CNTNAP5: variants seen among roughly 807,000 people sequenced by gnomAD.
CNTNAP5 encodes contactin-associated protein-like 5.
A neutral mutation model predicts 150.2 loss-of-function variants in CNTNAP5; 72 were observed. That is an observed-to-expected ratio of 0.48 (90% CI 0.40 to 0.58). The LOEUF (loss-of-function observed/expected upper bound fraction) is 0.58. Among genes scored for constraint, CNTNAP5 ranks in the 20% least tolerant of loss-of-function variants. The pLI is 0.00. For missense variants in CNTNAP5, 1,636 were observed against 1,626.2 expected (o/e 1.01, Z -0.10); for synonymous variants, 672 against 619.8 (o/e 1.08, Z -1.25).
At chr2:124,236,801 A>G (rs895505982) in intron 2 of CNTNAP5, among the ~76,000 whole-genome samples, 3 of 149,012 alleles carry the variant, frequency 2.0e-5, no homozygotes. Context: ...TTAGGCTTTA[A>G]AAAAAAAAAT....
chr2:124,124,401 T>G (rs544054125), intron 1 of CNTNAP5, among the ~76,000 whole-genome samples: 1 of 152,074 alleles, frequency 6.6e-6, no homozygotes, highest in Non-Finnish European at 1.5e-5. Flanking sequence ...CTCCAAGAAA[T>G]ATGGGACTAT....
At chr2:124,396,044 T>C (rs1287784763) in intron 3 of CNTNAP5, among the ~76,000 whole-genome samples, 1 of 152,160 alleles carries the variant, frequency 6.6e-6, no homozygotes, top group African/African-American at 2.4e-5. Flanking sequence ...GCCAATGACA[T>C]TGAGCAGTCT....
chr2:124,816,442 T>C (rs535539205), intron 19 of CNTNAP5, among the ~76,000 whole-genome samples: 182 of 151,992 alleles, frequency 1.2e-3, no homozygotes, highest in African/African-American at 4.3e-3. Context: ...CGAAAGTTCC[T>C]TGTGGCACTC....
chr2:124,422,725 G>T (rs1692138278), intron 4 of CNTNAP5, among the ~76,000 whole-genome samples: 1 of 152,154 alleles, frequency 6.6e-6, no homozygotes, highest in Non-Finnish European at 1.5e-5. Flanking sequence ...GCTGTTGACT[G>T]GGCCAAGAGC....
chr2:124,798,677 C>T (rs1368514367), intron 19 of CNTNAP5, among the ~76,000 whole-genome samples: 1 of 152,168 alleles, frequency 6.6e-6, no homozygotes, highest in Non-Finnish European at 1.5e-5. Context: ...GTCATCTTTG[C>T]TTCAGTCTTC....
At chr2:124,617,019 G>T (rs1677507349) in intron 12 of CNTNAP5, among the ~76,000 whole-genome samples, 2 of 152,052 alleles carry the variant, frequency 1.3e-5, no homozygotes, top group African/African-American at 4.8e-5. Flanking sequence ...TGCAGTGGTG[G>T]ATTCGTGGCT....
chr2:124,318,815 A>G (rs956889180), intron 3 of CNTNAP5, among the ~76,000 whole-genome samples: 3 of 150,874 alleles, frequency 2.0e-5, no homozygotes, highest in African/African-American at 4.9e-5. Flanking sequence ...TTCCATCTCT[A>G]TCTCCTAAAT....
chr2:124,151,928 A>T (rs1684414335), intron 1 of CNTNAP5, among the ~76,000 whole-genome samples: 1 of 152,222 alleles, frequency 6.6e-6, no homozygotes, highest in South Asian at 2.1e-4. Context: ...TTACTTAAGG[A>T]AATTACAACT....
intron 4 of CNTNAP5, among the ~76,000 whole-genome samples, chr2:124,418,917 G>A (rs959593737): frequency 6.6e-6 from 1 of 151,266 alleles, no homozygotes. Flanking sequence ...GGTGGATCAC[G>A]AGGTCAGGAG....
chr2:124,520,302 A>G (rs1694822404), intron 8 of CNTNAP5, among the ~76,000 whole-genome samples: 1 of 152,234 alleles, frequency 6.6e-6, no homozygotes, highest in East Asian at 1.9e-4. Flanking sequence ...GCTATTGTAA[A>G]TAATGGTGTC....
intron 21 of CNTNAP5, among the ~76,000 whole-genome samples, chr2:124,898,451 T>C (rs1678352833): frequency 6.6e-6 from 1 of 151,582 alleles, no homozygotes; most frequent in African/African-American, 2.4e-5. Flanking sequence ...CAATTGCGAA[T>C]GTGTAAAGTG....
At chr2:124,677,246 G>A (rs72845081) in intron 13 of CNTNAP5, among the ~76,000 whole-genome samples, 3,254 of 152,186 alleles carry the variant, frequency 0.021, 46 homozygotes, top group Middle Eastern at 0.037. Context: ...GCGCGTCTGG[G>A]GTAGCTTTTT....
intron 3 of CNTNAP5, among the ~76,000 whole-genome samples, chr2:124,363,305 TG>T (rs1356324646): frequency 1.3e-5 from 2 of 152,198 alleles, no homozygotes; most frequent in African/African-American, 4.8e-5. Flanking sequence ...TTCCCTGACT[TG>T]ATTTCATCTA....
At chr2:124,098,719 C>T (rs1389252780) in intron 1 of CNTNAP5, among the ~76,000 whole-genome samples, 1 of 151,476 alleles carries the variant, frequency 6.6e-6, no homozygotes, top group Non-Finnish European at 1.5e-5. Flanking sequence ...CTGTGTCTGG[C>T]GTTGAGAAAA....
chr2:124,100,537 T>C (rs1247378020), intron 1 of CNTNAP5, among the ~76,000 whole-genome samples: 4 of 152,154 alleles, frequency 2.6e-5, no homozygotes, highest in Non-Finnish European at 5.9e-5. Flanking sequence ...TTTCTAGGTC[T>C]GTATTCTCTA....
chr2:124,529,042 C>T (rs1695043286), intron 10 of CNTNAP5, among the ~76,000 whole-genome samples: 1 of 151,324 alleles, frequency 6.6e-6, no homozygotes, highest in African/African-American at 2.4e-5. Flanking sequence ...TGCAGATTTT[C>T]TGGCTCTTCT....
At chr2:124,396,175 AT>A (rs1158011318) in intron 3 of CNTNAP5, among the ~76,000 whole-genome samples, 1 of 152,218 alleles carries the variant, frequency 6.6e-6, no homozygotes, top group Non-Finnish European at 1.5e-5. Flanking sequence ...GTCTGGCTTG[AT>A]TCAAACATTG....
chr2:124,043,657 G>T (rs12711664), intron 1 of CNTNAP5, among the ~76,000 whole-genome samples: 101,989 of 151,998 alleles, frequency 0.67, 34,281 homozygotes, highest in Admixed American at 0.73. Flanking sequence ...CCTGATTTGT[G>T]CTTACCAACC....
chr2:124,266,401 G>C (rs913770332), intron 3 of CNTNAP5, among the ~76,000 whole-genome samples: 1 of 152,086 alleles, frequency 6.6e-6, no homozygotes, highest in Non-Finnish European at 1.5e-5. Flanking sequence ...TTTCTTTACA[G>C]ACTTTAGAAA....
Sources: allele counts gnomAD v4.1 joint callset (sites outside exome capture counted in the v4.1 genomes callset), GRCh38; gene constraint gnomAD v4.1.1; transcripts MANE v1.5; gene names NCBI Gene and HGNC (gene_info 2026-07-23, HGNC 2026-07-21).